Variants in LAMA3 observed in about 807,000 individuals in gnomAD.
LAMA3 encodes the protein laminin subunit alpha-3.
In LAMA3, 281 loss-of-function variants were observed where a neutral mutation model predicts 402.0. The observed-to-expected ratio is 0.70, with a 90% CI of 0.63 to 0.77. The LOEUF (loss-of-function observed/expected upper bound fraction) is 0.77, where lower values mean the gene tolerates loss of function less well. Ranked by LOEUF, LAMA3 falls within the 30% of genes least tolerant of loss-of-function variation. The pLI is 0.00. For missense variants in LAMA3, 3,840 were observed against 4,215.5 expected (o/e 0.91, Z 2.47); for synonymous variants, 1,431 against 1,558.4 (o/e 0.92, Z 1.93).
chr18:23,862,101 T>C (rs547957665), intron 35 of LAMA3, among the ~76,000 whole-genome samples: 1 of 152,220 alleles, frequency 6.6e-6, no homozygotes, highest in Non-Finnish European at 1.5e-5. Flanking sequence ...GAAATAACCA[T>C]TTAAATACTA....
chr18:23,732,593 C>T (rs562605942), intron 2 of LAMA3, among the ~76,000 whole-genome samples: 20 of 152,176 alleles, frequency 1.3e-4, no homozygotes, highest in Non-Finnish European at 2.6e-4. Flanking sequence ...CTGCAGGGTG[C>T]GCAGGTTTTC....
intron 62 of LAMA3, among the ~76,000 whole-genome samples, chr18:23,922,436 A>T (rs1206022336): frequency 6.6e-6 from 1 of 152,240 alleles, no homozygotes; most frequent in African/African-American, 2.4e-5. Flanking sequence ...TAGAGTCCTT[A>T]TACATGTGGG....
intron 66 of LAMA3, 95 bp downstream of exon 66, chr18:23,932,386 CA>C: frequency 7.4e-7 from 1 of 1,358,486 alleles, no homozygotes; most frequent in Non-Finnish European, 1.1e-6. Flanking sequence ...GCTTTGTCAA[CA>C]TGTGCTGCAC....
intron 12 of LAMA3, among the ~76,000 whole-genome samples, chr18:23,805,461 G>T (rs1279436413): frequency 6.6e-6 from 1 of 152,104 alleles, no homozygotes; most frequent in Non-Finnish European, 1.5e-5. Flanking sequence ...CTTCCACTTG[G>T]CCTTTTCCAT....
rs529294394 is a variant in LAMA3, at chr18:23,903,013, A to G, written c.6206A>G (p.Gln2069Arg). 6.3e-6 allele frequency: 10 copies of G among 1,591,584 alleles called. No homozygotes were observed. In the East Asian group the frequency reaches 1.1e-4, roughly 18 times the overall value. ...NERALGAIQR[Q>R]VKEINSLQSD... ...ATTTTTTTTTATTTTCTCCAGAGAC[A>G]AGTGAAAGAAATAAATTCCCTGCAG... is the stretch of plus-strand genomic sequence containing the variant. The change falls in exon 49 of 75, where the codon CAA becomes CGA. Residue 2069 changes from glutamine (Q) to arginine (R), a missense_variant. Physicochemically the swap from Gln to Arg is conservative, Grantham distance 43 (BLOSUM62 1). This residue lies in a region of LAMA3 where 891 missense variants were observed against 857.5 expected (regional missense o/e 1.04). Coordinates refer to ENST00000313654, the MANE Select transcript of LAMA3 (RefSeq NM_198129.4).
In LAMA3 at chr18:23,879,417, C is replaced by A. The variant is rs926205053; in HGVS notation, c.5113-2519C>A. ...TGAATCCCTGTCCTTCTGCGGCCCT[C>A]GCAGGCAGCCCCTCCTCCTGCTCTC... On this transcript the variant is annotated intron_variant, in intron 39 of 74. Transcript: ENST00000313654. The surrounding 1 kb of genome is among the most constrained non-coding windows in gnomAD (Gnocchi z 4.2). 6.6e-6 allele frequency among the ~76,000 whole-genome samples: 1 copy of A among 152,188 alleles called. No homozygotes were observed. Among genetic ancestry groups the A allele is most frequent in the African/African-American group, 2.4e-5 (1 of 41,446 alleles).
intron 2 of LAMA3, among the ~76,000 whole-genome samples, chr18:23,728,624 T>C (rs544820743): frequency 1.6e-4 from 25 of 152,262 alleles, no homozygotes; most frequent in Admixed American, 1.5e-3. Flanking sequence ...AATCACTTCC[T>C]TCTAGTAGGA....
chr18:23,868,667 C>T lies in LAMA3; in HGVS notation c.4767+750C>T, dbSNP rs569251092. Reference sequence around the variant, plus strand: ...CTTATAAATGCTATGACATAGCTCTCTGTCATCCTCAGGTCTCCCTCAGTG... The same window carrying T: ...CTTATAAATGCTATGACATAGCTCTTTGTCATCCTCAGGTCTCCCTCAGTG... On this transcript the variant is annotated intron_variant, in intron 37 of 74. Transcript: ENST00000313654. Among the ~76,000 whole-genome samples, 5 of 152,310 alleles carry T rather than the reference C, an allele frequency of 3.3e-5. No individual in the cohort carries two copies. In the East Asian group the frequency reaches 5.8e-4, roughly 18 times the overall value.
chr18:23,916,887 T>G (rs557344548), intron 60 of LAMA3, among the ~76,000 whole-genome samples, 192 bp downstream of exon 60: 1 of 152,202 alleles, frequency 6.6e-6, no homozygotes, highest in African/African-American at 2.4e-5. Flanking sequence ...TTTTAACATT[T>G]TTAGTTTCAG....
At chr18:23,874,499 A>G (rs1042374873) in intron 38 of LAMA3, among the ~76,000 whole-genome samples, 7 of 152,250 alleles carry the variant, frequency 4.6e-5, no homozygotes, top group Non-Finnish European at 2.9e-5. Flanking sequence ...TTAAAGGAAC[A>G]TTATATTGGA....
chr18:23,775,998 A>G lies in LAMA3; in HGVS notation c.1405+75A>G, dbSNP rs1209401290. 6 of 1,497,134 alleles carry G rather than the reference A, an allele frequency of 4.0e-6. No homozygotes were observed. In the African/African-American group the frequency reaches 5.5e-5, roughly 14 times the overall value. 92.7% of individuals were successfully genotyped at this position (1,497,134 alleles called of 1,614,324 possible). ...GCTTTTGTGCACTAACCTCTGAGGCATGGTGGACAGGTAGGGAAGGAGAGA... is the reference window on the plus strand; with the variant it reads ...GCTTTTGTGCACTAACCTCTGAGGCGTGGTGGACAGGTAGGGAAGGAGAGA... On this transcript the variant is annotated intron_variant, in intron 10 of 74. Coordinates refer to ENST00000313654, the MANE Select transcript of LAMA3 (RefSeq NM_198129.4).
At chr18:23,860,250 ACTTTT>A (rs1196775353) in intron 34 of LAMA3, among the ~76,000 whole-genome samples, 3 of 136,362 alleles carry the variant, frequency 2.2e-5, no homozygotes, top group East Asian at 2.0e-4. Flanking sequence ...TTCTTTGGTC[ACTTTT>A]CTTTTCTTTT....
chr18:23,928,285 A>G, intron 63 of LAMA3, 45 bp downstream of exon 63: 1 of 1,225,516 alleles, frequency 8.2e-7, no homozygotes, highest in Non-Finnish European at 1.2e-6. Flanking sequence ...TTCCCAGCCA[A>G]CCCACCTTCC....
At chr18:23,812,906 T>A (rs2063101594) in intron 13 of LAMA3, 151 bp from the exon 14 acceptor site, 1 of 653,142 alleles carries the variant, frequency 1.5e-6, no homozygotes, top group Admixed American at 2.3e-5. Context: ...GATGCCTGAC[T>A]ATGAATTGCA....
chr18:23,751,994 G>A (rs148018700), intron 5 of LAMA3, among the ~76,000 whole-genome samples: 338 of 152,342 alleles, frequency 2.2e-3, no homozygotes, highest in African/African-American at 7.7e-3. Flanking sequence ...AATGGAAGAT[G>A]CCCAGTGCAC....
chr18:23,936,979 C>A (rs1035626198), intron 67 of LAMA3, among the ~76,000 whole-genome samples: 2 of 152,180 alleles, frequency 1.3e-5, no homozygotes, highest in Non-Finnish European at 2.9e-5. Context: ...TTAAAGATTA[C>A]TAAGCTGGTA....
rs375109562 is a variant in LAMA3, at chr18:23,847,609, C to G, written c.4077C>G (p.Ser1359=). 6.2e-7 allele frequency: 1 copy of G among 1,613,938 alleles called. No homozygotes were observed. Among genetic ancestry groups the G allele is most frequent in the Non-Finnish European group, 8.5e-7 (1 of 1,180,050 alleles). The change falls in exon 32 of 75, where the codon TCC becomes TCG. Residue 1359 remains serine (S), a synonymous_variant. Transcript: ENST00000313654. Reference sequence around the variant, plus strand: ...CCGGCTGCGAAGGCTGCAACTGTTCCAGGAGGGGCACCATCGAGGCTGCCA... The same window carrying G: ...CCGGCTGCGAAGGCTGCAACTGTTCGAGGAGGGGCACCATCGAGGCTGCCA... ...PMAGCEGCNC[S]RRGTIEAAMP...
At chr18:23,855,418 CTCT>C (rs1387759015) in intron 32 of LAMA3, among the ~76,000 whole-genome samples, 10 of 152,204 alleles carry the variant, frequency 6.6e-5, no homozygotes, top group Non-Finnish European at 1.5e-4. Context: ...CATCTGCTCT[CTCT>C]TCTTTCCGGT....
At chr18:23,791,680 G>A (rs2062657049) in intron 12 of LAMA3, among the ~76,000 whole-genome samples, 1 of 147,258 alleles carries the variant, frequency 6.8e-6, no homozygotes, top group Admixed American at 6.9e-5. Flanking sequence ...TTTGCAGTGA[G>A]CTGAGATCGC....
Sources: gnomAD v4.1 joint callset for allele counts (sites outside exome capture counted in the v4.1 genomes callset) on GRCh38, gnomAD v4.1.1 for gene constraint, gnomAD v4.1.1 regional missense constraint, Gnocchi (gnomAD v3.1) non-coding constraint, MANE v1.5 for transcripts, NCBI Gene and HGNC (gene_info 2026-07-23, HGNC 2026-07-21) for gene names.